The following SEC23A variants were observed in gnomAD, a reference collection of about 807,000 sequenced individuals.
SEC23A encodes the protein SEC23 homolog A, COPII component.
Under a neutral mutation model 103.7 loss-of-function variants are expected in SEC23A, and 56 were observed. That is an observed-to-expected ratio of 0.54 (90% CI 0.44 to 0.67). The LOEUF (loss-of-function observed/expected upper bound fraction) is 0.67, where lower values mean the gene tolerates loss of function less well. Ranked by LOEUF, SEC23A falls within the 30% of genes least tolerant of loss-of-function variation. The pLI, the probability that SEC23A is intolerant of heterozygous loss-of-function variation, is 0.00. For missense variants in SEC23A, 784 were observed against 936.4 expected (o/e 0.84, Z 2.12); for synonymous variants, 281 against 293.0 (o/e 0.96, Z 0.42).
chr14:39,084,439 T>C (rs1345890734), intron 7 of SEC23A, among the ~76,000 whole-genome samples: 1 of 152,222 alleles, frequency 6.6e-6, no homozygotes, highest in Non-Finnish European at 1.5e-5. Context: ...TCCAGAATCA[T>C]GTCTGTACAG....
chr14:39,070,858 C>T (rs1886818787), intron 9 of SEC23A, among the ~76,000 whole-genome samples: 1 of 152,144 alleles, frequency 6.6e-6, no homozygotes, highest in Non-Finnish European at 1.5e-5. Flanking sequence ...GAAACCCCGT[C>T]TCTACTAAAA....
intron 13 of SEC23A, among the ~76,000 whole-genome samples, chr14:39,060,990 T>C (rs1431391789): frequency 1.3e-5 from 2 of 152,230 alleles, no homozygotes; most frequent in African/African-American, 2.4e-5. Context: ...AAGTGTGGTA[T>C]GTGAACCAGT....
At chr14:39,095,430 G>A (rs1223575313) in intron 2 of SEC23A, among the ~76,000 whole-genome samples, 1 of 151,910 alleles carries the variant, frequency 6.6e-6, no homozygotes, top group Non-Finnish European at 1.5e-5. Flanking sequence ...CCGAGTAGCT[G>A]GGACTACAGG....
At chr14:39,081,031 T>G (rs1201728903) in intron 7 of SEC23A, among the ~76,000 whole-genome samples, 3 of 152,024 alleles carry the variant, frequency 2.0e-5, no homozygotes, top group Non-Finnish European at 4.4e-5. Context: ...ATGGCAAGAC[T>G]CTGTCTCTAC....
chr14:39,094,420 ATATATATATATATATATATATATTTTT>A (rs1887801899), intron 2 of SEC23A, among the ~76,000 whole-genome samples: 3 of 62,548 alleles, frequency 4.8e-5, no homozygotes, highest in African/African-American at 3.9e-4. Flanking sequence ...ATATATATAT[ATATATATATATATATATATATATTTTT>A]TTTTTTTTTT....
chr14:39,061,776 G>A lies in SEC23A; in HGVS notation c.1494C>T (p.Thr498=), dbSNP rs1334125600. The A allele has an allele frequency of 2.5e-6, 4 of 1,607,704 alleles. No homozygotes were observed. The highest frequency in any genetic ancestry group is 3.4e-6 in the Non-Finnish European group (4 of 1,174,180). Residue 498 remains threonine (T), a synonymous_variant, in exon 13 of 20, where the codon ACC becomes ACT. Transcript: ENST00000307712. ...CAAATACAACTTACTTCCTAGCAATGGTGGTCACTCGGATGCGTCTCTGCC... is the reference window on the plus strand; with the variant it reads ...CAAATACAACTTACTTCCTAGCAATAGTGGTCACTCGGATGCGTCTCTGCC... ...SSGQRRIRVT[T]IARNWADAQT...
At chr14:39,081,207 A>T (rs1402579184) in intron 7 of SEC23A, among the ~76,000 whole-genome samples, 1 of 141,124 alleles carries the variant, frequency 7.1e-6, no homozygotes, top group African/African-American at 2.7e-5. Flanking sequence ...GGCTCTGTTT[A>T]AAAAAAAAAA....
chr14:39,093,103 G>A (rs987974596), intron 3 of SEC23A, 84 bp downstream of exon 3: 2 of 1,073,888 alleles, frequency 1.9e-6, no homozygotes, highest in African/African-American at 1.6e-5. Flanking sequence ...TCCTGACCTC[G>A]TGATCCACCC....
rs1052615456 is a variant in SEC23A, at chr14:39,085,693, C to T, written c.828+69G>A. On this transcript the variant is annotated intron_variant, in intron 7 of 19. Coordinates refer to ENST00000307712, the MANE Select transcript of SEC23A (RefSeq NM_006364.4). Reference sequence around the variant, plus strand: ...TCTTATCCTTATAATTATATATACACACACACACACACACACACACACACA... The same window carrying T: ...TCTTATCCTTATAATTATATATACATACACACACACACACACACACACACA... 187 of 778,814 alleles carry T rather than the reference C, an allele frequency of 2.4e-4. 1 individual carries two copies. Among genetic ancestry groups the T allele is most frequent in the East Asian group, 9.0e-4 (28 of 30,990 alleles). 48.2% of individuals were successfully genotyped at this position (778,814 alleles called of 1,614,324 possible).
At chr14:39,033,774 T>G (rs1388955335) in intron 19 of SEC23A, among the ~76,000 whole-genome samples, 1 of 152,236 alleles carries the variant, frequency 6.6e-6, no homozygotes, top group Non-Finnish European at 1.5e-5. Flanking sequence ...TTAATTGATT[T>G]CTGTAGGTTC....
At position 39,094,432 on chromosome 14, in the gene SEC23A, ATATATATATATTTTTT is replaced by A. The variant is rs1887810140; in HGVS notation, c.222-1204_222-1189del. ...TATATATATATATATATATATATAT[ATATATATATATTTTTT>A]TTTTTTTTTTTTCCCCTCCTGTAGA... On this transcript the variant is annotated intron_variant, in intron 2 of 19. Coordinates refer to ENST00000307712, the MANE Select transcript of SEC23A (RefSeq NM_006364.4). Among the ~76,000 whole-genome samples, 88 of 36,842 alleles carry A rather than the reference ATATATATATATTTTTT, an allele frequency of 2.4e-3. 15 individuals carry two copies. The highest frequency in any genetic ancestry group is 8.9e-3 in the African/African-American group (38 of 4,264). 24.2% of individuals were successfully genotyped at this position (36,842 alleles called of 152,430 possible).
intron 15 of SEC23A, among the ~76,000 whole-genome samples, chr14:39,046,733 C>T (rs1283636286): frequency 6.6e-6 from 1 of 152,210 alleles, no homozygotes. Context: ...TCCACCTACT[C>T]CTCACATGAA....
chr14:39,061,706 G>A (rs1886485467), intron 13 of SEC23A, 59 bp downstream of exon 13: 7 of 1,175,242 alleles, frequency 6.0e-6, no homozygotes, highest in Non-Finnish European at 9.0e-6. Flanking sequence ...AATCCAGTTT[G>A]GAAACACAAC....
At chr14:39,100,926 C>T (rs768197317) in intron 1 of SEC23A, among the ~76,000 whole-genome samples, 49 of 152,014 alleles carry the variant, frequency 3.2e-4, no homozygotes, top group Non-Finnish European at 1.6e-4. Context: ...TCACTGCAAC[C>T]TCCACCTCCC....
At chr14:39,045,090 T>A in intron 16 of SEC23A, 73 bp downstream of exon 16, 1 of 1,286,588 alleles carries the variant, frequency 7.8e-7, no homozygotes, top group Non-Finnish European at 1.1e-6. Context: ...ATGCATTTTT[T>A]TAGTTATTTT....
chr14:39,083,622 G>T (rs1887314490), intron 7 of SEC23A, among the ~76,000 whole-genome samples: 1 of 141,916 alleles, frequency 7.0e-6, no homozygotes, highest in Admixed American at 7.5e-5. Flanking sequence ...GAGTGCAGTG[G>T]TGCAATCCCG....
chr14:39,092,930 C>G, intron 3 of SEC23A: 3 of 482,258 alleles, frequency 6.2e-6, no homozygotes, highest in Non-Finnish European at 3.7e-6. Flanking sequence ...GTGGTGCAAT[C>G]TCGGCTCACT....
chr14:39,061,651 G>C (rs1886483670), intron 13 of SEC23A, 114 bp downstream of exon 13: 6 of 748,292 alleles, frequency 8.0e-6, no homozygotes, highest in Non-Finnish European at 1.4e-5. Flanking sequence ...AATACTATTA[G>C]TCACAAATAT....
chr14:39,095,977 T>C lies in SEC23A; in HGVS notation c.142A>G (p.Arg48Gly). 1 of 1,614,182 alleles carries C rather than the reference T, an allele frequency of 6.2e-7. No homozygotes were observed. Among genetic ancestry groups the C allele is most frequent in the East Asian group, 2.2e-5 (1 of 44,878 alleles). ...VAALFTPLKE[R>G]PDLPPIQYEP... ...TATTGAATAGGTGGTAAGTCAGGTCTCTCTTTCAGTGGTGTAAACAGGGCT... is the reference window on the plus strand; with the variant it reads ...TATTGAATAGGTGGTAAGTCAGGTCCCTCTTTCAGTGGTGTAAACAGGGCT... The change falls in exon 2 of 20, where the codon AGA (arginine) becomes GGA (glycine). Residue 48 changes from arginine to glycine, a missense_variant. Physicochemically the swap from Arg to Gly is moderately radical, Grantham distance 125 (BLOSUM62 -2). Transcript: ENST00000307712.
Sources: allele counts gnomAD v4.1 joint callset (sites outside exome capture counted in the v4.1 genomes callset), GRCh38; gene constraint gnomAD v4.1.1; transcripts MANE v1.5; gene names NCBI Gene and HGNC (gene_info 2026-07-23, HGNC 2026-07-21).